The following CEP89 variants were observed in gnomAD, a reference collection of about 807,000 sequenced individuals.
The protein encoded by CEP89 is centrosomal protein of 89 kDa.
A neutral mutation model predicts 97.6 loss-of-function variants in CEP89; 95 were observed. The ratio of observed to expected loss-of-function variants is 0.97; its 90% CI spans 0.82 to 1.15. The LOEUF (loss-of-function observed/expected upper bound fraction) is 1.15. CEP89 is among the 50% of genes most tolerant of loss of function. CEP89 has a pLI of 0.00. For missense variants in CEP89, 869 were observed against 947.7 expected, an observed-to-expected ratio of 0.92 and a Z score of 1.09; for synonymous variants, 354 against 349.1, an observed-to-expected ratio of 1.01 and a Z score of -0.16.
intron 16 of CEP89, among the ~76,000 whole-genome samples, chr19:32,898,988 C>T (rs535695162): frequency 6.6e-6 from 1 of 151,714 alleles, no homozygotes; most frequent in South Asian, 2.1e-4. Flanking sequence ...ACATGTACCC[C>T]CACATGTGCA....
chr19:32,916,916 G>A (rs1041010850), intron 13 of CEP89, among the ~76,000 whole-genome samples: 11 of 152,268 alleles, frequency 7.2e-5, no homozygotes, highest in African/African-American at 2.6e-4. Flanking sequence ...GTTGAGGCAG[G>A]AGAATCGCTG....
At chr19:32,913,612 T>C (rs1197550922) in intron 14 of CEP89, among the ~76,000 whole-genome samples, 1 of 151,176 alleles carries the variant, frequency 6.6e-6, no homozygotes, top group East Asian at 1.9e-4. Context: ...ACTGTTATGG[T>C]TGGTTACACA....
intron 3 of CEP89, among the ~76,000 whole-genome samples, chr19:32,958,845 C>T (rs1161741546): frequency 2.6e-5 from 4 of 151,708 alleles, no homozygotes; most frequent in Non-Finnish European, 5.9e-5. Context: ...GGAGAAACCC[C>T]GTCTCTACTA....
At chr19:32,917,702 G>T in intron 13 of CEP89, 2 of 611,738 alleles carry the variant, frequency 3.3e-6, no homozygotes, top group Non-Finnish European at 4.1e-6. Flanking sequence ...AGACTATGAG[G>T]CTCCTAGGGG....
chr19:32,947,026 C>A (rs1489531577), intron 5 of CEP89, among the ~76,000 whole-genome samples: 2 of 152,004 alleles, frequency 1.3e-5, no homozygotes, highest in Non-Finnish European at 2.9e-5. Flanking sequence ...GCCAACTGAC[C>A]AACAGGTGTT....
chr19:32,948,828 G>A (rs1173641098), intron 4 of CEP89, among the ~76,000 whole-genome samples: 1 of 152,084 alleles, frequency 6.6e-6, no homozygotes, highest in Non-Finnish European at 1.5e-5. Context: ...ACGTGCAAGC[G>A]ATCCTCTCAC....
intron 5 of CEP89, among the ~76,000 whole-genome samples, chr19:32,945,870 A>G (rs773834044): frequency 3.3e-5 from 5 of 152,062 alleles, no homozygotes; most frequent in Non-Finnish European, 5.9e-5. Flanking sequence ...CTGGCCCCCT[A>G]TCCCAGTGAG....
intron 16 of CEP89, among the ~76,000 whole-genome samples, chr19:32,899,387 G>A (rs1969716025): frequency 6.6e-6 from 1 of 152,112 alleles, no homozygotes; most frequent in Non-Finnish European, 1.5e-5. Context: ...TCCTGCCTCA[G>A]CTTCCTGAGT....
chr19:32,971,753 C>T (rs1341556054), intron 1 of CEP89, 83 bp downstream of exon 1: 29 of 1,445,784 alleles, frequency 2.0e-5, no homozygotes, highest in Non-Finnish European at 2.7e-5. Flanking sequence ...GGATCTCAGG[C>T]CAAACCCCAA....
intron 4 of CEP89, among the ~76,000 whole-genome samples, chr19:32,952,920 A>G (rs1225214883): frequency 8.6e-5 from 13 of 150,652 alleles, no homozygotes; most frequent in African/African-American, 3.2e-4. Context: ...AAAAAAAAAA[A>G]AAAAGAAAAG....
chr19:32,947,860 G>T (rs1355503065), intron 5 of CEP89, among the ~76,000 whole-genome samples: 4 of 152,036 alleles, frequency 2.6e-5, no homozygotes, highest in Admixed American at 6.6e-5. Flanking sequence ...GAATGCAATG[G>T]TGCAATCATG....
intron 14 of CEP89, among the ~76,000 whole-genome samples, chr19:32,909,781 C>T (rs552648985): frequency 5.3e-5 from 8 of 152,230 alleles, no homozygotes; most frequent in African/African-American, 1.9e-4. Context: ...CCAGGAGGTC[C>T]AGCCTTAGGT....
At chr19:32,908,467 G>A (rs1281330928) in intron 14 of CEP89, among the ~76,000 whole-genome samples, 1 of 152,224 alleles carries the variant, frequency 6.6e-6, no homozygotes, top group Non-Finnish European at 1.5e-5. Context: ...GCTGTCCCGC[G>A]GAAGGGGCGG....
chr19:32,960,725 G>A (rs1422479232), intron 2 of CEP89, among the ~76,000 whole-genome samples: 7 of 151,838 alleles, frequency 4.6e-5, no homozygotes, highest in Admixed American at 3.3e-4. Flanking sequence ...CAGGAGAATC[G>A]GTTGAACCCG....
rs1970169944 is a variant in CEP89, at chr19:32,918,221, C to T, written c.1384+3G>A. 2 of 1,607,578 alleles carry T rather than the reference C, an allele frequency of 1.2e-6. No homozygotes were observed. The highest frequency in any genetic ancestry group is 1.7e-6 in the Non-Finnish European group (2 of 1,174,142). On this transcript the variant is annotated splice_donor_region_variant and intron_variant, in intron 13 of 18. Coordinates refer to ENST00000305768, the MANE Select transcript of CEP89 (RefSeq NM_032816.5). Reference sequence around the variant, plus strand: ...TGACCAGTCCTCACTGGAAGGACCTCACCTTCTTGGAGGCGCTCCTGGTGG... The same window carrying T: ...TGACCAGTCCTCACTGGAAGGACCTTACCTTCTTGGAGGCGCTCCTGGTGG...
chr19:32,884,032 CTGT>C (rs1349276918), intron 17 of CEP89, among the ~76,000 whole-genome samples: 1 of 151,952 alleles, frequency 6.6e-6, no homozygotes, highest in African/African-American at 2.4e-5. Context: ...AGTGCAGTGG[CTGT>C]TAACAGACCT....
intron 8 of CEP89, 145 bp from the exon 9 acceptor site, chr19:32,931,716 G>C (rs1970478138): frequency 7.2e-6 from 4 of 552,542 alleles, no homozygotes; most frequent in Non-Finnish European, 1.2e-5. Flanking sequence ...GTGTGTGTAT[G>C]TGTGTCTGTG....
intron 5 of CEP89, among the ~76,000 whole-genome samples, chr19:32,942,581 T>C (rs1374828438): frequency 1.3e-5 from 2 of 152,204 alleles, no homozygotes; most frequent in Non-Finnish European, 2.9e-5. Context: ...AAGAGTCTCA[T>C]AAAGATTAAA....
rs1391882837 is a variant in CEP89 at position 32,900,616 on chromosome 19, G to A, written c.1734-618C>T. ...AACTTTCTGGCTTATGTTCTAAAAG[G>A]CACTTTCGAAAAAAAGATCCAGAAA... On this transcript the variant is annotated intron_variant, in intron 15 of 18. Coordinates refer to ENST00000305768, the MANE Select transcript of CEP89 (RefSeq NM_032816.5). 3.3e-5 allele frequency among the ~76,000 whole-genome samples: 5 copies of A among 151,938 alleles called. No individual in the cohort carries two copies. The South Asian group carries it at 6.2e-4, about 19-fold the overall frequency.
Sources: gnomAD v4.1 joint callset for allele counts (sites outside exome capture counted in the v4.1 genomes callset) on GRCh38, gnomAD v4.1.1 for gene constraint, MANE v1.5 for transcripts, NCBI Gene and HGNC (gene_info 2026-07-23, HGNC 2026-07-21) for gene names.